Variants in WDR86 observed in about 807,000 individuals in gnomAD.
The protein encoded by WDR86 is WD repeat domain 86.
WDR86 carries 30 observed loss-of-function variants against 36.5 expected under a neutral mutation model. The observed-to-expected ratio is 0.82, with a 90% CI of 0.61 to 1.11. WDR86 has a LOEUF of 1.11. WDR86 is among the 50% of genes most tolerant of loss of function. The pLI is 0.00. For synonymous variants in WDR86, 255 were observed against 252.9 expected (o/e 1.01, Z -0.08); for missense variants, 545 against 561.2 (o/e 0.97, Z 0.29).
chr7:151,376,741 G>A, downstream of WDR86: 1 of 1,600,384 alleles, frequency 6.2e-7, no homozygotes, highest in Non-Finnish European at 8.5e-7. Flanking sequence ...GAGGAAGCCT[G>A]CCTCCCGAGC....
downstream of WDR86, among the ~76,000 whole-genome samples, chr7:151,372,253 T>C (rs745798767): frequency 1.3e-5 from 2 of 152,258 alleles, no homozygotes; most frequent in South Asian, 4.1e-4. Context: ...CTCACTGTCA[T>C]TGATTTGATC....
In WDR86 at chr7:151,405,743, C is replaced by T. The variant is rs1014901130; in HGVS notation, c.163+3684G>A. 1.3e-5 allele frequency among the ~76,000 whole-genome samples: 2 copies of T among 152,204 alleles called. No individual in the cohort carries two copies. Among genetic ancestry groups the T allele is most frequent in the Non-Finnish European group, 2.9e-5 (2 of 68,032 alleles). On this transcript the variant is annotated intron_variant, in intron 1 of 5. Transcript: ENST00000334493. This position sits in a 1 kb window ranked among gnomAD's most constrained non-coding sequence, Gnocchi z 4.7. ...TGCCGCAGGCCTCCTTCAGCCCAGT[C>T]TTCTGGGCCACTGCTCTCCCGCCAG...
At chr7:151,383,899 G>A (rs74459942) in intron 4 of WDR86, among the ~76,000 whole-genome samples, 2,471 of 152,328 alleles carry the variant, frequency 0.016, 68 homozygotes, top group African/African-American at 0.057. Context: ...CCGGCTGCAC[G>A]GGGAGGTGTT....
intron 2 of WDR86, among the ~76,000 whole-genome samples, chr7:151,399,270 C>T (rs1457035741): frequency 1.3e-5 from 2 of 152,232 alleles, no homozygotes; most frequent in African/African-American, 2.4e-5. Flanking sequence ...GTCTCACTGC[C>T]TTTCCTGTCC....
At chr7:151,408,516 C>G (rs1290946866) in intron 1 of WDR86, 3 of 174,880 alleles carry the variant, frequency 1.7e-5, no homozygotes, top group Non-Finnish European at 3.7e-5. Context: ...TTATTTAAAA[C>G]CAGCAGTATC....
chr7:151,387,214 T>A (rs1421233742), intron 3 of WDR86, among the ~76,000 whole-genome samples: 3 of 152,130 alleles, frequency 2.0e-5, no homozygotes, highest in Non-Finnish European at 2.9e-5. Context: ...CACACCTCTG[T>A]GCTGCTCAGC....
chr7:151,399,979 C>T (rs1218483106), intron 2 of WDR86, 121 bp downstream of exon 2: 5 of 967,458 alleles, frequency 5.2e-6, no homozygotes, highest in Non-Finnish European at 7.1e-6. Flanking sequence ...CAGCTGTCCA[C>T]GTTTTTGCTT....
At chr7:151,382,218 G>A (rs1312884258) in intron 4 of WDR86, among the ~76,000 whole-genome samples, 4 of 152,288 alleles carry the variant, frequency 2.6e-5, no homozygotes, top group Admixed American at 6.5e-5. Flanking sequence ...GCTGAACACC[G>A]CCCGGGCCCA....
chr7:151,410,135 C>G (rs1008618303), upstream of WDR86: 5 of 950,102 alleles, frequency 5.3e-6, no homozygotes, highest in South Asian at 4.9e-5. Flanking sequence ...GCAGCCTCCC[C>G]CCTTCGTCGC....
In WDR86 at chr7:151,392,168, C is replaced by T. The variant is rs73474450; in HGVS notation, c.726+3608G>A. Among the ~76,000 whole-genome samples the T allele has an allele frequency of 4.7e-3, 723 of 152,306 alleles. 8 individuals are homozygous for T. Among genetic ancestry groups the T allele is most frequent in the African/African-American group, 0.017 (700 of 41,546 alleles). On this transcript the variant is annotated intron_variant, in intron 3 of 5. Transcript: ENST00000334493. ...CTCCCCAAGAGTGGACCTCCCGGAC[C>T]CCAGCTCTGATCGGGGCCCCCAGCC... is the stretch of plus-strand genomic sequence containing the variant.
rs771762053 is a variant in WDR86, at chr7:151,390,296, C to A, written c.727-5073G>T. Among the ~76,000 whole-genome samples, 12 of 152,268 alleles carry A rather than the reference C, an allele frequency of 7.9e-5. No homozygotes were observed. Among genetic ancestry groups the A allele is most frequent in the Middle Eastern group, 6.8e-3 (2 of 294 alleles). Reference sequence around the variant, plus strand: ...AGCCCAGAGCTCACTGCACACCCCCCACATCAGGACCCCATCTGGCCACGC... The same window carrying A: ...AGCCCAGAGCTCACTGCACACCCCCAACATCAGGACCCCATCTGGCCACGC... On this transcript the variant is annotated intron_variant, in intron 3 of 5. Transcript: ENST00000334493. This position sits in a 1 kb window ranked among gnomAD's most constrained non-coding sequence, Gnocchi z 4.5.
At position 151,401,853 on chromosome 7, in the gene WDR86, G is replaced by T. The variant is rs562761306; in HGVS notation, c.164-1612C>A. 1.2e-4 allele frequency among the ~76,000 whole-genome samples: 18 copies of T among 151,420 alleles called. No homozygotes were observed. The highest frequency in any genetic ancestry group is 3.2e-4 in the African/African-American group (13 of 41,176). On this transcript the variant is annotated intron_variant, in intron 1 of 5. Coordinates refer to ENST00000334493, the MANE Select transcript of WDR86 (RefSeq NM_198285.3). This position sits in a 1 kb window ranked among gnomAD's most constrained non-coding sequence, Gnocchi z 4.3. ...TCACAAGGTCAGGAGTTCAAGATCA[G>T]CCTGGCTAAGATGGTGAAACCCCGT...
Position 151,381,936 on chromosome 7 carries a change from T to A in WDR86, c.908A>T (p.Gln303Leu). ...GDACARAFDA[Q>L]SGELRRVFRG... ...GAACACCCTCCGCAGCTCTCCAGAC[T>A]GCGCGTCGAAGGCCCGGGCGCAAGC... The change falls in exon 5 of 6, where the codon CAG (glutamine) becomes CTG (leucine). Residue 303 changes from glutamine to leucine, a missense_variant. Transcript: ENST00000334493. This position sits in a 1 kb window ranked among gnomAD's most constrained non-coding sequence, Gnocchi z 4.8. The A allele has an allele frequency of 6.2e-7, 1 of 1,609,764 alleles. No homozygotes were observed.
At chr7:151,399,028 C>G (rs773865921) in intron 2 of WDR86, among the ~76,000 whole-genome samples, 4 of 152,190 alleles carry the variant, frequency 2.6e-5, no homozygotes, top group Non-Finnish European at 5.9e-5. Context: ...CCCTTCTTTA[C>G]CACCTTGTGG....
intron 3 of WDR86, among the ~76,000 whole-genome samples, chr7:151,391,847 G>A (rs187408584): frequency 3.0e-4 from 39 of 131,964 alleles, no homozygotes; most frequent in African/African-American, 9.4e-4. Context: ...CCCCAGCCCC[G>A]CCCCTCCCAC....
Position 151,385,144 on chromosome 7 carries a change from C to A in WDR86, c.806G>T (p.Arg269Leu). 1.9e-6 allele frequency: 3 copies of A among 1,612,824 alleles called. No homozygotes were observed. In the South Asian group the frequency reaches 3.3e-5, roughly 18 times the overall value. ...CWLADTGECV[R>L]TFTAHRRNVS... is the part of the protein sequence containing the mutation. ...GTTGCGTCTGTGGGCCGTGAACGTG[C>A]GCACACACTCCCCTGTGTCTGCCAG... The change falls in exon 4 of 6, where the codon CGC (arginine) becomes CTC (leucine). Residue 269 changes from arginine (R) to leucine (L), a missense_variant. Transcript: ENST00000334493.
chr7:151,375,069 G>A (rs1340739769), downstream of WDR86, among the ~76,000 whole-genome samples: 1 of 151,952 alleles, frequency 6.6e-6, no homozygotes, highest in Non-Finnish European at 1.5e-5. Context: ...TGCAGGGCAG[G>A]TGTCCTCGTT....
At chr7:151,397,936 ACGATCGGTGACCCCAAAGCTCACAGGC>A (rs1314453263) in intron 2 of WDR86, among the ~76,000 whole-genome samples, 4 of 152,022 alleles carry the variant, frequency 2.6e-5, no homozygotes, top group African/African-American at 9.7e-5. Context: ...AGGCCACTGA[ACGATCGGTGACCCCAAAGCTCACAGGC>A]CTGACCTGGC....
In WDR86 at chr7:151,395,860, G is replaced by A. The variant is rs146736261; in HGVS notation, c.642C>T (p.Asp214=). 582 of 1,594,484 alleles carry A rather than the reference G, an allele frequency of 3.7e-4. No homozygotes were observed. Among genetic ancestry groups the A allele is most frequent in the Middle Eastern group, 1.9e-3 (9 of 4,660 alleles). Residue 214 remains aspartate, a synonymous_variant, in exon 3 of 6, where the codon GAC becomes GAT. Coordinates refer to ENST00000334493, the MANE Select transcript of WDR86 (RefSeq NM_198285.3). ...GGATGTCCCAGGCACGGATGGTGGC[G>A]TCGGTGCTGCCTGTGAAGGCCGTGT... ...PGHTAFTGST[D]ATIRAWDILS...
Sources: allele counts gnomAD v4.1 joint callset (sites outside exome capture counted in the v4.1 genomes callset), GRCh38; gene constraint gnomAD v4.1.1; non-coding constraint Gnocchi (gnomAD v3.1); transcripts MANE v1.5; gene names NCBI Gene and HGNC (gene_info 2026-07-23, HGNC 2026-07-21).